Variants in PCDHA4 observed in about 807,000 individuals in gnomAD.
PCDHA4 encodes protocadherin alpha-4.
PCDHA4 carries 49 observed loss-of-function variants against 61.4 expected under a neutral mutation model. The ratio of observed to expected loss-of-function variants is 0.80; its 90% CI spans 0.63 to 1.01. The LOEUF is 1.01. Among genes scored for constraint, PCDHA4 ranks in the 50% least tolerant of loss-of-function variants. The probability of loss-of-function intolerance (pLI) is 0.00; values close to 1 mark genes in which losing one functional copy is unlikely to be tolerated. For synonymous variants in PCDHA4, 590 were observed against 550.3 expected, an observed-to-expected ratio of 1.07 and a Z score of -1.01; for missense variants, 1,254 against 1,235.8, an observed-to-expected ratio of 1.01 and a Z score of -0.22.
intron 1 of PCDHA4, chr5:140,850,885 G>C: frequency 1.3e-6 from 2 of 1,582,746 alleles, no homozygotes; most frequent in South Asian, 1.1e-5. Flanking sequence ...GATTCAACTG[G>C]GAAGGTGGGT....
intron 1 of PCDHA4, among the ~76,000 whole-genome samples, chr5:140,896,952 T>G (rs2153454853): frequency 6.6e-6 from 1 of 152,352 alleles, no homozygotes; most frequent in East Asian, 1.9e-4. Context: ...GCCATTCCCT[T>G]AAACATTTAT....
chr5:140,901,270 C>T (rs2068553355), intron 1 of PCDHA4, among the ~76,000 whole-genome samples: 2 of 152,246 alleles, frequency 1.3e-5, no homozygotes, highest in South Asian at 4.1e-4. Flanking sequence ...TGGGGTATTA[C>T]TCAAGAAATT....
At chr5:140,885,592 G>T (rs1428219345) in intron 1 of PCDHA4, among the ~76,000 whole-genome samples, 3 of 152,102 alleles carry the variant, frequency 2.0e-5, no homozygotes, top group Non-Finnish European at 2.9e-5. Flanking sequence ...ATGCATCAAA[G>T]ATATTAATAA....
At chr5:140,927,899 A>G (rs1554205221) in intron 1 of PCDHA4, 2 of 1,614,194 alleles carry the variant, frequency 1.2e-6, no homozygotes, top group Admixed American at 1.7e-5. Context: ...GTGAACGATC[A>G]TGCCCCCGAA....
intron 1 of PCDHA4, chr5:140,814,816 G>C (rs1266855293): frequency 6.6e-6 from 1 of 152,104 alleles, no homozygotes; most frequent in Non-Finnish European, 1.5e-5. Flanking sequence ...TTATTGTATT[G>C]CTATCTATTT....
chr5:140,810,185 T>A (rs1764614415), intron 1 of PCDHA4: 1 of 152,278 alleles, frequency 6.6e-6, no homozygotes, highest in African/African-American at 2.4e-5. Context: ...GTAGTTTATT[T>A]ATTTCTGTTT....
intron 2 of PCDHA4, chr5:140,982,235 T>C (rs782570505): frequency 2.6e-5 from 17 of 646,792 alleles, no homozygotes; most frequent in Non-Finnish European, 3.9e-5. Flanking sequence ...AAAAACAGAA[T>C]TGCCATAAAG....
chr5:140,857,032 T>C, intron 1 of PCDHA4: 2 of 1,595,838 alleles, frequency 1.3e-6, no homozygotes, highest in Non-Finnish European at 1.7e-6. Context: ...GAAACCCACC[T>C]ATGGTTGGTC....
intron 1 of PCDHA4, chr5:140,822,231 G>A: frequency 6.2e-7 from 1 of 1,614,236 alleles, no homozygotes; most frequent in Non-Finnish European, 8.5e-7. Context: ...CGCGGTTTCC[G>A]CTAGAGGGCG....
intron 1 of PCDHA4, chr5:140,877,837 G>A (rs1313925880): frequency 6.3e-7 from 1 of 1,585,240 alleles, no homozygotes; most frequent in African/African-American, 1.4e-5. Context: ...TCCTCCCAGT[G>A]AAGTAAGTTA....
In PCDHA4 at chr5:140,858,119, C is replaced by G. The variant is rs1444406371; in HGVS notation, c.2385+48547C>G. The G allele has an allele frequency of 1.6e-5, 26 of 1,597,694 alleles. 1 individual carries two copies. The highest frequency in any genetic ancestry group is 2.1e-5 in the Non-Finnish European group (25 of 1,167,644). On this transcript the variant is annotated intron_variant, in intron 1 of 3. Transcript: ENST00000530339. The stretch of plus-strand genomic sequence containing the variant: ...AGTGGGCGTGGCGCCCGAGGTGGCC[C>G]TGGTGGATGTCAACGTGTACCTGAT...
intron 1 of PCDHA4, among the ~76,000 whole-genome samples, chr5:140,890,753 C>A (rs1274674281): frequency 3.3e-5 from 5 of 152,114 alleles, no homozygotes; most frequent in Admixed American, 2.6e-4. Flanking sequence ...TTCTGTCATG[C>A]TTTAAAAATA....
intron 1 of PCDHA4, among the ~76,000 whole-genome samples, chr5:140,893,139 C>G (rs2063839594): frequency 6.6e-6 from 1 of 152,186 alleles, no homozygotes; most frequent in East Asian, 1.9e-4. Context: ...TCTTTATCCA[C>G]TCATCTGTTG....
At chr5:140,955,989 A>C (rs2095245782) in intron 1 of PCDHA4, among the ~76,000 whole-genome samples, 1 of 152,172 alleles carries the variant, frequency 6.6e-6, no homozygotes, top group Non-Finnish European at 1.5e-5. Flanking sequence ...ATTTTTGCAC[A>C]TTGATTTTGT....
intron 1 of PCDHA4, among the ~76,000 whole-genome samples, chr5:140,872,937 A>C (rs2053993403): frequency 6.6e-6 from 1 of 152,034 alleles, no homozygotes; most frequent in South Asian, 2.1e-4. Flanking sequence ...TGTTTTTGAA[A>C]TTTTCTTTCC....
At chr5:140,819,426 A>G (rs1766555129) in intron 1 of PCDHA4, among the ~76,000 whole-genome samples, 1 of 152,182 alleles carries the variant, frequency 6.6e-6, no homozygotes, top group Non-Finnish European at 1.5e-5. Context: ...TATACTACAC[A>G]GTTTTAAATC....
At chr5:140,819,257 A>G (rs1260397193) in intron 1 of PCDHA4, among the ~76,000 whole-genome samples, 3 of 152,168 alleles carry the variant, frequency 2.0e-5, no homozygotes, top group Non-Finnish European at 4.4e-5. Context: ...TGGTATATCT[A>G]TATAATTTCT....
At chr5:140,927,694 G>A in intron 1 of PCDHA4, 1 of 1,614,202 alleles carries the variant, frequency 6.2e-7, no homozygotes, top group Non-Finnish European at 8.5e-7. Context: ...CAATGGGGAA[G>A]TCCAGTACTC....
chr5:140,871,382 A>C (rs781900960), intron 1 of PCDHA4: 1 of 1,614,070 alleles, frequency 6.2e-7, no homozygotes, highest in South Asian at 1.1e-5. Context: ...GTGTGCTCTG[A>C]GGAGGGCCCA....
Sources: allele counts gnomAD v4.1 joint callset (sites outside exome capture counted in the v4.1 genomes callset), GRCh38; gene constraint gnomAD v4.1.1; transcripts MANE v1.5; gene names NCBI Gene and HGNC (gene_info 2026-07-23, HGNC 2026-07-21).